Variants in NCOR1 observed in about 807,000 individuals in gnomAD.
NCOR1 encodes nuclear receptor corepressor 1, also known as protein phosphatase 1, regulatory subunit 109.
Under a neutral mutation model 288.1 loss-of-function variants are expected in NCOR1, and 63 were observed. The ratio of observed to expected loss-of-function variants is 0.22; its 90% CI spans 0.18 to 0.27. The LOEUF is 0.27. Ranked by LOEUF, NCOR1 falls within the 10% of genes least tolerant of loss-of-function variation. The probability of loss-of-function intolerance (pLI) is 1.00; values close to 1 mark genes in which losing one functional copy is unlikely to be tolerated. For missense variants in NCOR1, 2,397 were observed against 3,019.2 expected, an observed-to-expected ratio of 0.79 and a Z score of 4.83; for synonymous variants, 1,007 against 1,065.9, an observed-to-expected ratio of 0.94 and a Z score of 1.08.
intron 42 of NCOR1, chr17:16,044,809 AG>A: frequency 9.1e-7 from 1 of 1,103,236 alleles, no homozygotes; most frequent in Non-Finnish European, 1.4e-6. Context: ...TCTACAATGT[AG>A]GGGCTGGTGG....
At chr17:16,080,836 T>A in intron 23 of NCOR1, 109 bp from the exon 24 acceptor site, 17 of 988,778 alleles carry the variant, frequency 1.7e-5, no homozygotes, top group Non-Finnish European at 2.3e-5. Flanking sequence ...AAAAAAAAAT[T>A]ATACCCCTTC....
intron 2 of NCOR1, among the ~76,000 whole-genome samples, chr17:16,190,632 C>T (rs1364089660): frequency 6.6e-6 from 1 of 152,002 alleles, no homozygotes; most frequent in Non-Finnish European, 1.5e-5. Context: ...TGAGCTACCA[C>T]GCCCAGCCAA....
chr17:16,125,151 G>A (rs573292994), intron 15 of NCOR1, among the ~76,000 whole-genome samples: 16 of 152,094 alleles, frequency 1.1e-4, no homozygotes, highest in African/African-American at 3.9e-4. Flanking sequence ...ACCACCTGAG[G>A]TCAGGAGTTC....
At chr17:16,132,238 A>G (rs997135897) in intron 14 of NCOR1, among the ~76,000 whole-genome samples, 3 of 152,220 alleles carry the variant, frequency 2.0e-5, no homozygotes, top group Non-Finnish European at 4.4e-5. Flanking sequence ...GCATTTGGAA[A>G]TGAAGAATAT....
intron 11 of NCOR1, among the ~76,000 whole-genome samples, 188 bp from the exon 12 acceptor site, chr17:16,139,374 C>T (rs940044480): frequency 6.6e-6 from 1 of 152,172 alleles, no homozygotes; most frequent in Non-Finnish European, 1.5e-5. Context: ...GTATGAATTA[C>T]AGAGGCAGAG....
At chr17:16,062,382 AAAAC>A (rs66476043) in intron 35 of NCOR1, 112 bp from the exon 36 acceptor site, 545,451 of 1,091,740 alleles carry the variant, frequency 0.5, 142,021 homozygotes, top group Middle Eastern at 0.55. Flanking sequence ...AGAAAAAAGA[AAAAC>A]AAGATAAGAA....
intron 40 of NCOR1, among the ~76,000 whole-genome samples, chr17:16,051,071 T>G (rs1403464318): frequency 1.3e-5 from 2 of 152,192 alleles, no homozygotes; most frequent in African/African-American, 4.8e-5. Flanking sequence ...ACCGCTGGCC[T>G]CAAGCGATCC....
At chr17:16,129,820 C>A (rs529072099) in intron 14 of NCOR1, among the ~76,000 whole-genome samples, 1 of 152,298 alleles carries the variant, frequency 6.6e-6, no homozygotes, top group Admixed American at 6.5e-5. Context: ...ATTCAGTATC[C>A]CCTTAGAGTT....
At chr17:16,211,934 T>G (rs954243231) in intron 1 of NCOR1, among the ~76,000 whole-genome samples, 1 of 151,694 alleles carries the variant, frequency 6.6e-6, no homozygotes, top group South Asian at 2.1e-4. Context: ...ACCATTTACA[T>G]GTATACATGT....
At chr17:16,158,676 T>C in intron 6 of NCOR1, 84 bp downstream of exon 6, 1 of 732,400 alleles carries the variant, frequency 1.4e-6, no homozygotes, top group African/African-American at 1.8e-5. Context: ...AAAGTTAAAA[T>C]TATACCAGGA....
chr17:16,200,303 T>C (rs2090593931), intron 1 of NCOR1, among the ~76,000 whole-genome samples: 1 of 151,268 alleles, frequency 6.6e-6, no homozygotes, highest in Non-Finnish European at 1.5e-5. Flanking sequence ...CTGGCCAACG[T>C]GGTAAAACTC....
chr17:16,093,725 C>T (rs1287812044), intron 21 of NCOR1, among the ~76,000 whole-genome samples: 1 of 152,138 alleles, frequency 6.6e-6, no homozygotes, highest in Non-Finnish European at 1.5e-5. Context: ...ATAAACATAG[C>T]TTTTCCTCCT....
At chr17:16,158,682 C>A in intron 6 of NCOR1, 78 bp downstream of exon 6, 3 of 772,822 alleles carry the variant, frequency 3.9e-6, no homozygotes, top group South Asian at 2.2e-5. Context: ...AAAATTATAC[C>A]AGGATACATT....
intron 44 of NCOR1, chr17:16,039,225 G>C: frequency 1.8e-6 from 1 of 566,510 alleles, no homozygotes; most frequent in East Asian, 3.0e-5. Context: ...GACACTTTGG[G>C]TAAAAATTTT....
At chr17:16,091,551 C>A (rs2065181212) in intron 22 of NCOR1, 1 of 1,048,046 alleles carries the variant, frequency 9.5e-7, no homozygotes, top group Non-Finnish European at 1.1e-6. Flanking sequence ...GACAACAATT[C>A]TCACTCTGAA....
chr17:16,156,727 G>A (rs1015197002), intron 6 of NCOR1, among the ~76,000 whole-genome samples: 1 of 151,872 alleles, frequency 6.6e-6, no homozygotes, highest in Non-Finnish European at 1.5e-5. Context: ...GGTGCAAAAG[G>A]AGTTTTCAAG....
At chr17:16,204,559 G>C (rs2091259914) in intron 1 of NCOR1, among the ~76,000 whole-genome samples, 1 of 152,166 alleles carries the variant, frequency 6.6e-6, no homozygotes, top group African/African-American at 2.4e-5. Context: ...TGTATACATT[G>C]TTTTTCATCT....
intron 22 of NCOR1, among the ~76,000 whole-genome samples, chr17:16,088,631 C>T (rs954344138): frequency 4.6e-5 from 7 of 152,084 alleles, no homozygotes; most frequent in Non-Finnish European, 7.4e-5. Context: ...GAAACAATTA[C>T]AAAAATATCA....
intron 1 of NCOR1, among the ~76,000 whole-genome samples, chr17:16,195,579 C>T (rs2089605365): frequency 6.6e-6 from 1 of 152,184 alleles, no homozygotes; most frequent in Non-Finnish European, 1.5e-5. Context: ...TTTTCTTGTG[C>T]CAATGCCACA....
Sources: gnomAD v4.1 joint callset for allele counts (sites outside exome capture counted in the v4.1 genomes callset) on GRCh38, gnomAD v4.1.1 for gene constraint, MANE v1.5 for transcripts, NCBI Gene and HGNC (gene_info 2026-07-23, HGNC 2026-07-21) for gene names.